The following BICD1 variants were observed in gnomAD, a reference collection of about 807,000 sequenced individuals.
BICD1 encodes the protein protein bicaudal D homolog 1.
A neutral mutation model predicts 92.5 loss-of-function variants in BICD1; 35 were observed. The ratio of observed to expected loss-of-function variants is 0.38; its 90% CI spans 0.29 to 0.50. The LOEUF is 0.50. Among genes scored for constraint, BICD1 ranks in the 20% least tolerant of loss-of-function variants. The pLI is 0.93. For missense variants in BICD1, 950 were observed against 1,189.8 expected (o/e 0.80, Z 2.97); for synonymous variants, 429 against 465.1 (o/e 0.92, Z 1.00).
At chr12:32,238,278 G>A (rs1334748456) in intron 2 of BICD1, among the ~76,000 whole-genome samples, 3 of 152,048 alleles carry the variant, frequency 2.0e-5, no homozygotes, top group East Asian at 1.9e-4. Flanking sequence ...GGAAGTACTC[G>A]TAAATATGGT....
intron 1 of BICD1, chr12:32,108,318 A>C (rs1144714): frequency 0.71 from 144,540 of 203,910 alleles, 51,898 homozygotes; most frequent in South Asian, 0.79. Flanking sequence ...CAGAATATCA[A>C]AAATGGGTGA....
intron 1 of BICD1, among the ~76,000 whole-genome samples, chr12:32,168,589 A>G (rs1339924640): frequency 6.6e-6 from 1 of 152,216 alleles, no homozygotes; most frequent in Non-Finnish European, 1.5e-5. Flanking sequence ...AAAACATTTC[A>G]GGCCCAAACT....
At chr12:32,309,901 G>A (rs911911532) in intron 4 of BICD1, among the ~76,000 whole-genome samples, 1 of 152,156 alleles carries the variant, frequency 6.6e-6, no homozygotes, top group Admixed American at 6.5e-5. Flanking sequence ...TTTACATTAG[G>A]TATATCTCCT....
At chr12:32,363,006 C>G (rs1939391671) in intron 8 of BICD1, among the ~76,000 whole-genome samples, 1 of 152,148 alleles carries the variant, frequency 6.6e-6, no homozygotes, top group African/African-American at 2.4e-5. Flanking sequence ...CCCAGGAGTT[C>G]AAGACCAGGC....
chr12:32,221,869 A>C (rs1052852178), intron 2 of BICD1, among the ~76,000 whole-genome samples: 2 of 152,132 alleles, frequency 1.3e-5, no homozygotes, highest in African/African-American at 4.8e-5. Context: ...TTTTGGTAAG[A>C]GCATAAAGAA....
intron 2 of BICD1, among the ~76,000 whole-genome samples, chr12:32,225,333 A>G (rs1022231212): frequency 5.3e-5 from 8 of 152,152 alleles, no homozygotes; most frequent in Non-Finnish European, 8.8e-5. Context: ...GTATAGATAC[A>G]TTGTGGTTGC....
chr12:32,255,875 G>A (rs112162689), intron 2 of BICD1, among the ~76,000 whole-genome samples: 9,249 of 152,130 alleles, frequency 0.061, 311 homozygotes, highest in South Asian at 0.11. Context: ...TCAGTAGTGC[G>A]GCCAGGCGTA....
intron 1 of BICD1, among the ~76,000 whole-genome samples, chr12:32,120,889 GAGAGAGAA>G (rs1315466905): frequency 4.3e-3 from 139 of 32,682 alleles, no homozygotes; most frequent in Middle Eastern, 0.017. Context: ...GAGAGAGAGA[GAGAGAGAA>G]AAAAAAAAGG....
At chr12:32,248,846 G>A (rs994454865) in intron 2 of BICD1, among the ~76,000 whole-genome samples, 2 of 152,208 alleles carry the variant, frequency 1.3e-5, no homozygotes, top group African/African-American at 2.4e-5. Context: ...CCCCTTCACA[G>A]TTGAATACTG....
At chr12:32,358,973 C>T (rs1018165309) in intron 8 of BICD1, among the ~76,000 whole-genome samples, 15 of 151,930 alleles carry the variant, frequency 9.9e-5, no homozygotes, top group Admixed American at 1.3e-4. Flanking sequence ...GCCTAAAATC[C>T]CTATTAATGA....
At chr12:32,229,262 A>G (rs1945797335) in intron 2 of BICD1, among the ~76,000 whole-genome samples, 1 of 152,154 alleles carries the variant, frequency 6.6e-6, no homozygotes, top group South Asian at 2.1e-4. Flanking sequence ...AAACAAAAAC[A>G]AAAACAAAAA....
At chr12:32,207,177 C>T (rs950648974) in intron 1 of BICD1, among the ~76,000 whole-genome samples, 1 of 152,070 alleles carries the variant, frequency 6.6e-6, no homozygotes, top group African/African-American at 2.4e-5. Context: ...TTTAATGTTA[C>T]ATTTTGTGTT....
intron 1 of BICD1, among the ~76,000 whole-genome samples, chr12:32,178,049 G>A (rs1944169432): frequency 6.6e-6 from 1 of 151,160 alleles, no homozygotes; most frequent in Admixed American, 6.6e-5. Context: ...TCTTATGGGG[G>A]AAAAAAGCAG....
chr12:32,117,756 A>ATTT (rs1401761768), intron 1 of BICD1, among the ~76,000 whole-genome samples: 101 of 108,330 alleles, frequency 9.3e-4, no homozygotes, highest in African/African-American at 2.7e-3. Context: ...ATATATATAT[A>ATTT]TATTTTTTTT....
At chr12:32,330,701 T>A (rs1398118985) in intron 5 of BICD1, among the ~76,000 whole-genome samples, 1 of 152,128 alleles carries the variant, frequency 6.6e-6, no homozygotes, top group Admixed American at 6.5e-5. Flanking sequence ...TCTGCTATAA[T>A]TTAAAGACCC....
chr12:32,268,762 C>T (rs990568393), intron 2 of BICD1, among the ~76,000 whole-genome samples: 1 of 152,122 alleles, frequency 6.6e-6, no homozygotes, highest in African/African-American at 2.4e-5. Context: ...CGCCACTGCA[C>T]TCCAGCCTGG....
chr12:32,187,533 G>C (rs1944450709), intron 1 of BICD1, among the ~76,000 whole-genome samples: 1 of 152,086 alleles, frequency 6.6e-6, no homozygotes, highest in African/African-American at 2.4e-5. Context: ...TTATTCGGGC[G>C]TGGTGGCGCG....
chr12:32,165,417 G>A (rs889859547), intron 1 of BICD1, among the ~76,000 whole-genome samples: 3 of 152,140 alleles, frequency 2.0e-5, no homozygotes, highest in Non-Finnish European at 4.4e-5. Flanking sequence ...TCGGGATGTT[G>A]AGGCAGGAGA....
chr12:32,318,122 G>C (rs1203440253), intron 4 of BICD1, among the ~76,000 whole-genome samples: 2 of 151,962 alleles, frequency 1.3e-5, no homozygotes, highest in African/African-American at 2.4e-5. Context: ...TAGCCTTGTA[G>C]TATAGTTTGA....
Sources: allele counts gnomAD v4.1 joint callset (sites outside exome capture counted in the v4.1 genomes callset), GRCh38; gene constraint gnomAD v4.1.1; transcripts MANE v1.5; gene names NCBI Gene and HGNC (gene_info 2026-07-23, HGNC 2026-07-21).